IL1RAPL2: variants seen among roughly 807,000 people sequenced by gnomAD.
IL1RAPL2 encodes the protein interleukin 1 receptor accessory protein like 2.
IL1RAPL2 carries 3 observed loss-of-function variants against 44.1 expected under a neutral mutation model. That is an observed-to-expected ratio of 0.07 (90% CI 0.03 to 0.18). The LOEUF is 0.18. Among genes scored for constraint, IL1RAPL2 ranks in the 10% least tolerant of loss-of-function variants. The pLI, the probability that IL1RAPL2 is intolerant of heterozygous loss-of-function variation, is 1.00. For missense variants in IL1RAPL2, 391 were observed against 496.4 expected, an observed-to-expected ratio of 0.79 and a Z score of 2.02; for synonymous variants, 181 against 178.8, an observed-to-expected ratio of 1.01 and a Z score of -0.10.
intron 6 of IL1RAPL2, among the ~76,000 whole-genome samples, chrX:105,505,885 A>G (rs2036427647): frequency 8.9e-6 from 1 of 112,104 alleles, no homozygotes; most frequent in Non-Finnish European, 1.9e-5. Flanking sequence ...AGGATACTGC[A>G]GTATTTCAGG....
intron 2 of IL1RAPL2, among the ~76,000 whole-genome samples, chrX:104,674,273 A>C (rs1353786715): frequency 9.0e-6 from 1 of 111,643 alleles, no homozygotes. Context: ...AATACGTCCC[A>C]TCATTACCTA....
At chrX:104,845,570 G>A (rs1203368436) in intron 2 of IL1RAPL2, among the ~76,000 whole-genome samples, 1 of 112,151 alleles carries the variant, frequency 8.9e-6, no homozygotes, top group Admixed American at 9.5e-5. Context: ...AATGTGTGAA[G>A]TTGGACAGGC....
chrX:104,589,719 T>C (rs1463308303), intron 1 of IL1RAPL2, among the ~76,000 whole-genome samples: 1 of 111,966 alleles, frequency 8.9e-6, no homozygotes, highest in Non-Finnish European at 1.9e-5. Context: ...TAATTGTTAG[T>C]AGCCGATGTT....
Position 105,234,058 on chromosome X carries a change from G to T in IL1RAPL2, c.543+54G>T, listed in dbSNP as rs2034097601. On this transcript the variant is annotated intron_variant, in intron 4 of 10. Coordinates refer to ENST00000372582, the MANE Select transcript of IL1RAPL2 (RefSeq NM_017416.2). ...TTTACCTCAGTCAATAGCAGTCTTGGGGATGAGGAAAGGGAGATTTTTTTA... is the reference window on the plus strand; with the variant it reads ...TTTACCTCAGTCAATAGCAGTCTTGTGGATGAGGAAAGGGAGATTTTTTTA... 7.0e-6 allele frequency: 7 copies of T among 1,001,492 alleles called. No individual in the cohort carries two copies. In the South Asian group the frequency reaches 1.7e-4, roughly 25 times the overall value. 82.5% of individuals were successfully genotyped at this position (1,001,492 alleles called of 1,213,427 possible).
intron 2 of IL1RAPL2, among the ~76,000 whole-genome samples, chrX:104,821,218 TTGTC>T (rs1225280240): frequency 1.8e-5 from 2 of 111,891 alleles, no homozygotes; most frequent in African/African-American, 3.2e-5. Context: ...CAAATTATTT[TTGTC>T]TATTTGCTTG....
chrX:104,739,374 T>G, intron 2 of IL1RAPL2, among the ~76,000 whole-genome samples: 1 of 112,567 alleles, frequency 8.9e-6, no homozygotes, highest in Non-Finnish European at 1.9e-5. Flanking sequence ...GTTCTCAAAC[T>G]TGGCTTCACA....
chrX:104,702,006 C>T (rs1308014869), intron 2 of IL1RAPL2, among the ~76,000 whole-genome samples: 1 of 111,176 alleles, frequency 9.0e-6, no homozygotes, highest in Non-Finnish European at 1.9e-5. Flanking sequence ...TACTCCTTAT[C>T]CCTATTTACT....
intron 6 of IL1RAPL2, among the ~76,000 whole-genome samples, chrX:105,582,609 T>C (rs1328572600): frequency 9.0e-6 from 1 of 111,192 alleles, no homozygotes; most frequent in Non-Finnish European, 1.9e-5. Flanking sequence ...TTCAGCTTTT[T>C]ACTGTCAAGT....
chrX:105,101,838 TG>T (rs2032675222), intron 2 of IL1RAPL2, among the ~76,000 whole-genome samples: 1 of 111,681 alleles, frequency 9.0e-6, no homozygotes, highest in South Asian at 3.8e-4. Context: ...CTGGGGGTAA[TG>T]CTTTGCAAAG....
intron 6 of IL1RAPL2, among the ~76,000 whole-genome samples, chrX:105,582,703 T>A (rs756045864): frequency 6.4e-5 from 7 of 109,455 alleles, no homozygotes; most frequent in South Asian, 7.7e-4. Context: ...TTTTTTTTTT[T>A]AAATCATTAG....
intron 2 of IL1RAPL2, among the ~76,000 whole-genome samples, chrX:104,720,972 C>T (rs1051558818): frequency 9.0e-6 from 1 of 111,141 alleles, no homozygotes; most frequent in African/African-American, 3.3e-5. Context: ...ATCAAAACCA[C>T]GATGAGATAC....
intron 3 of IL1RAPL2, among the ~76,000 whole-genome samples, chrX:105,229,841 A>C (rs782289494): frequency 8.9e-6 from 1 of 111,927 alleles, no homozygotes; most frequent in African/African-American, 3.2e-5. Context: ...TCTGTCACCC[A>C]GGCTGGAGTG....
chrX:104,947,598 G>T (rs1186326231), intron 2 of IL1RAPL2, among the ~76,000 whole-genome samples: 5 of 104,405 alleles, frequency 4.8e-5, no homozygotes, highest in African/African-American at 1.7e-4. Flanking sequence ...TTTGTATAAG[G>T]TGTAAGGAAG....
chrX:104,704,870 C>A (rs1351429837), intron 2 of IL1RAPL2, among the ~76,000 whole-genome samples: 1 of 111,716 alleles, frequency 9.0e-6, no homozygotes, highest in Admixed American at 9.5e-5. Context: ...AATCATCTGA[C>A]TCCTCTATTA....
intron 2 of IL1RAPL2, among the ~76,000 whole-genome samples, chrX:105,094,018 G>A (rs969890277): frequency 5.4e-5 from 6 of 111,590 alleles, no homozygotes; most frequent in African/African-American, 1.6e-4. Flanking sequence ...GGGTAGAGGT[G>A]CAAGTCTGAT....
intron 5 of IL1RAPL2, among the ~76,000 whole-genome samples, chrX:105,477,443 C>T (rs1048929796): frequency 1.8e-5 from 2 of 111,013 alleles, no homozygotes; most frequent in Non-Finnish European, 3.8e-5. Context: ...TTGCCTCAAG[C>T]AATTATCAGC....
chrX:105,504,653 ATTTC>A (rs2147783551), intron 6 of IL1RAPL2, among the ~76,000 whole-genome samples: 1 of 112,028 alleles, frequency 8.9e-6, no homozygotes, highest in African/African-American at 3.2e-5. Flanking sequence ...TCAGGGTTAT[ATTTC>A]TTTCTTACCT....
chrX:104,884,711 G>A (rs777932910), intron 2 of IL1RAPL2, among the ~76,000 whole-genome samples: 21 of 111,644 alleles, frequency 1.9e-4, no homozygotes, highest in African/African-American at 6.8e-4. Context: ...GGCAAATGGA[G>A]TGAAATACCT....
chrX:105,191,206 G>A (rs782539554), intron 2 of IL1RAPL2, among the ~76,000 whole-genome samples: 1 of 111,371 alleles, frequency 9.0e-6, no homozygotes, highest in South Asian at 3.7e-4. Context: ...AGATATTAAA[G>A]CATTTTGTTT....
Sources: gnomAD v4.1 joint callset for allele counts (sites outside exome capture counted in the v4.1 genomes callset) on GRCh38, gnomAD v4.1.1 for gene constraint, MANE v1.5 for transcripts, NCBI Gene and HGNC (gene_info 2026-07-23, HGNC 2026-07-21) for gene names.